Variants in DOK6 observed in about 807,000 individuals in gnomAD.
DOK6 encodes docking protein 6, also known as downstream of tyrosine kinase 6.
DOK6 carries 22 observed loss-of-function variants against 44.0 expected under a neutral mutation model. The ratio of observed to expected loss-of-function variants is 0.50; its 90% CI spans 0.36 to 0.71. The LOEUF (loss-of-function observed/expected upper bound fraction) is 0.71, where lower values mean the gene tolerates loss of function less well. Among genes scored for constraint, DOK6 ranks in the 30% least tolerant of loss-of-function variants. The pLI, the probability that DOK6 is intolerant of heterozygous loss-of-function variation, is 0.00. For missense variants in DOK6, 340 were observed against 416.4 expected, an observed-to-expected ratio of 0.82 and a Z score of 1.60; for synonymous variants, 166 against 145.5, an observed-to-expected ratio of 1.14 and a Z score of -1.01.
At chr18:69,698,348 C>T (rs1232917291) in intron 4 of DOK6, 56 bp from the exon 5 acceptor site, 20 of 1,483,582 alleles carry the variant, frequency 1.3e-5, no homozygotes, top group Non-Finnish European at 1.8e-5. Flanking sequence ...ATCGTATGGC[C>T]ATAGACACTC....
chr18:69,699,227 G>A (rs1986457585), intron 5 of DOK6, among the ~76,000 whole-genome samples: 1 of 151,988 alleles, frequency 6.6e-6, no homozygotes, highest in African/African-American at 2.4e-5. Context: ...CTTAGGTTTG[G>A]GGATTTTATA....
rs540653418 is a variant in DOK6, at chr18:69,459,813, TA to T, written c.66+58511del. On this transcript the variant is annotated intron_variant, in intron 1 of 7. Transcript: ENST00000382713. ...GTGCTTGGCTTGAATATGCAGAGTT[TA>T]AAAAAAATACATTTCAGATGATATT... Among the ~76,000 whole-genome samples the T allele has an allele frequency of 1.6e-3, 249 of 152,124 alleles. 2 individuals are homozygous for T. Among genetic ancestry groups the T allele is most frequent in the Non-Finnish European group, 2.9e-3 (195 of 67,962 alleles).
intron 1 of DOK6, among the ~76,000 whole-genome samples, chr18:69,414,625 G>T (rs1200640019): frequency 6.6e-6 from 1 of 151,988 alleles, no homozygotes; most frequent in African/African-American, 2.4e-5. Context: ...AGCAAAGAAT[G>T]GGGAATCCTT....
At chr18:69,545,806 T>C (rs1982388501) in intron 1 of DOK6, among the ~76,000 whole-genome samples, 1 of 151,480 alleles carries the variant, frequency 6.6e-6, no homozygotes, top group Non-Finnish European at 1.5e-5. Flanking sequence ...TTTTGGATTA[T>C]ATAATTGCAA....
At chr18:69,432,447 A>G (rs1373678690) in intron 1 of DOK6, among the ~76,000 whole-genome samples, 1 of 148,532 alleles carries the variant, frequency 6.7e-6, no homozygotes, top group African/African-American at 2.4e-5. Context: ...CTGTCTCAAA[A>G]AAAGAGAAAA....
chr18:69,419,188 A>C (rs952541746), intron 1 of DOK6, among the ~76,000 whole-genome samples: 6 of 152,170 alleles, frequency 3.9e-5, no homozygotes, highest in Non-Finnish European at 8.8e-5. Context: ...ATTACTTAGA[A>C]GATAAAGTTC....
At chr18:69,507,787 C>T (rs576742300) in intron 1 of DOK6, among the ~76,000 whole-genome samples, 2 of 152,202 alleles carry the variant, frequency 1.3e-5, no homozygotes, top group African/African-American at 2.4e-5. Context: ...TTTGGAATTT[C>T]ATGAATAGAT....
At chr18:69,401,525 C>A (rs375390067) in intron 1 of DOK6, among the ~76,000 whole-genome samples, 136 of 152,198 alleles carry the variant, frequency 8.9e-4, no homozygotes, top group African/African-American at 3.2e-3. Flanking sequence ...CGCCTGAGTC[C>A]CCATCCTCGA....
chr18:69,496,466 G>A (rs1432112644), intron 1 of DOK6, among the ~76,000 whole-genome samples: 1 of 152,262 alleles, frequency 6.6e-6, no homozygotes, highest in East Asian at 1.9e-4. Context: ...GCTCCAGACA[G>A]CCGCTGCTGC....
At chr18:69,604,850 A>G (rs943812601) in intron 3 of DOK6, among the ~76,000 whole-genome samples, 2 of 152,194 alleles carry the variant, frequency 1.3e-5, no homozygotes, top group Non-Finnish European at 2.9e-5. Context: ...TTGCCAAGCA[A>G]TAACAAGAAA....
chr18:69,831,192 C>G lies in DOK6; in HGVS notation c.857-10052C>G, dbSNP rs1981891557. The G allele has an allele frequency of 1.3e-5, 2 of 151,970 alleles. 1 individual carries two copies. The highest frequency in any genetic ancestry group is 4.2e-4 in the South Asian group (2 of 4,812). 9.4% of individuals were successfully genotyped at this position (151,970 alleles called of 1,614,324 possible). A position where few individuals can be genotyped will look rare whatever the true frequency, so the allele number is the denominator to read the frequency against. On this transcript the variant is annotated intron_variant, in intron 7 of 7. Coordinates refer to ENST00000382713, the MANE Select transcript of DOK6 (RefSeq NM_152721.6). ...GGTGTAGGTCCCATAGTCCAAAGGC[C>G]TGGAGCTCTGATGTCTGAGGGCAGA...
intron 2 of DOK6, among the ~76,000 whole-genome samples, chr18:69,568,716 T>G (rs1180269245): frequency 6.6e-6 from 1 of 152,144 alleles, no homozygotes; most frequent in African/African-American, 2.4e-5. Flanking sequence ...CTGCTCCCCA[T>G]GGCTGGCATT....
chr18:69,538,384 C>T (rs545826497), intron 1 of DOK6, among the ~76,000 whole-genome samples: 42 of 150,892 alleles, frequency 2.8e-4, no homozygotes, highest in Non-Finnish European at 3.4e-4. Context: ...TCCATTTCTC[C>T]TTTTTTTTTC....
At position 69,658,202 on chromosome 18, in the gene DOK6, C is replaced by G. The variant is rs8090672; in HGVS notation, c.290-19532C>G. Among the ~76,000 whole-genome samples the G allele has an allele frequency of 4.2e-3, 646 of 152,202 alleles. 4 individuals are homozygous for G. The highest frequency in any genetic ancestry group is 0.015 in the African/African-American group (619 of 41,520). On this transcript the variant is annotated intron_variant, in intron 3 of 7. Coordinates refer to ENST00000382713, the MANE Select transcript of DOK6 (RefSeq NM_152721.6). ...CCTGGCCTCAAGAGATCCTCCCACC[C>G]CTGACTCTCAGAGAGCTGGGAATAC...
At chr18:69,599,077 T>C (rs994559823) in intron 2 of DOK6, among the ~76,000 whole-genome samples, 4 of 152,180 alleles carry the variant, frequency 2.6e-5, no homozygotes, top group Non-Finnish European at 4.4e-5. Flanking sequence ...TCCTCTGTTA[T>C]ACCACAACTG....
intron 7 of DOK6, among the ~76,000 whole-genome samples, chr18:69,811,617 G>T: frequency 7.1e-6 from 1 of 140,038 alleles, no homozygotes. Flanking sequence ...ATACAATTTT[G>T]GTTAACTAAA....
chr18:69,489,927 T>TAA (rs80239525), intron 1 of DOK6, among the ~76,000 whole-genome samples: 4 of 131,066 alleles, frequency 3.1e-5, no homozygotes, highest in Non-Finnish European at 3.3e-5. Flanking sequence ...ACAAAAATTC[T>TAA]AAAAAAAAAA....
At chr18:69,550,009 AAATGTT>A (rs1484442301) in intron 1 of DOK6, among the ~76,000 whole-genome samples, 4 of 151,162 alleles carry the variant, frequency 2.6e-5, no homozygotes, top group African/African-American at 9.7e-5. Context: ...GATACTTTAG[AAATGTT>A]AATTTTATTA....
chr18:69,487,126 A>T (rs2144536056), intron 1 of DOK6, among the ~76,000 whole-genome samples: 1 of 150,928 alleles, frequency 6.6e-6, no homozygotes, highest in East Asian at 2.0e-4. Flanking sequence ...TGCTGTCTTT[A>T]TCTCTGATTC....
Sources: gnomAD v4.1 joint callset for allele counts (sites outside exome capture counted in the v4.1 genomes callset) on GRCh38, gnomAD v4.1.1 for gene constraint, MANE v1.5 for transcripts, NCBI Gene and HGNC (gene_info 2026-07-23, HGNC 2026-07-21) for gene names.